The following B3GALT1 variants were observed in gnomAD, a reference collection of about 807,000 sequenced individuals.
The protein encoded by B3GALT1 is UDP-Gal:betaGlcNAc beta 1,3-galactosyltransferase, polypeptide 1.
In B3GALT1, 10 loss-of-function variants were observed where a neutral mutation model predicts 23.2. That is an observed-to-expected ratio of 0.43 (90% CI 0.27 to 0.73). The LOEUF is 0.73. Among genes scored for constraint, B3GALT1 ranks in the 30% least tolerant of loss-of-function variants. B3GALT1 has a pLI of 0.21. For synonymous variants in B3GALT1, 156 were observed against 141.5 expected (o/e 1.10, Z -0.73); for missense variants, 299 against 405.4 (o/e 0.74, Z 2.25).
chr2:167,511,734 T>C (rs1393661893), intron 2 of B3GALT1, among the ~76,000 whole-genome samples: 4 of 152,210 alleles, frequency 2.6e-5, no homozygotes. Context: ...TTTCCTACTT[T>C]TCTGTATTTT....
At chr2:167,463,702 C>T (rs1179798782) in intron 1 of B3GALT1, among the ~76,000 whole-genome samples, 1 of 152,038 alleles carries the variant, frequency 6.6e-6, no homozygotes, top group East Asian at 1.9e-4. Flanking sequence ...TTTAGAATTT[C>T]CAAAGTACTC....
intron 1 of B3GALT1, among the ~76,000 whole-genome samples, chr2:167,360,960 G>A (rs1305879255): frequency 1.3e-5 from 2 of 152,020 alleles, no homozygotes; most frequent in African/African-American, 4.8e-5. Flanking sequence ...TGTGGACATT[G>A]TCTTTCTGTA....
At chr2:167,512,622 G>GTATATATATATA (rs1491336747) in intron 2 of B3GALT1, among the ~76,000 whole-genome samples, 1 of 42,376 alleles carries the variant, frequency 2.4e-5, no homozygotes, top group African/African-American at 2.1e-4. Context: ...ATATATATAC[G>GTATATATATATA]TGTATATATA....
intron 4 of B3GALT1, among the ~76,000 whole-genome samples, chr2:167,836,780 G>C (rs1324154616): frequency 6.6e-6 from 1 of 152,156 alleles, no homozygotes; most frequent in Non-Finnish European, 1.5e-5. Flanking sequence ...CAGAGAGAAA[G>C]GGCGGGTTAC....
At chr2:167,640,726 A>C (rs970028059) in intron 2 of B3GALT1, among the ~76,000 whole-genome samples, 15 of 152,108 alleles carry the variant, frequency 9.9e-5, no homozygotes, top group African/African-American at 3.6e-4. Flanking sequence ...TTCGCAGGAA[A>C]ATTCTTGACT....
chr2:167,536,174 T>TGGGATTATA (rs1683421709), intron 2 of B3GALT1, among the ~76,000 whole-genome samples: 1 of 152,126 alleles, frequency 6.6e-6, no homozygotes, highest in South Asian at 2.1e-4. Context: ...CCCAAAGTGC[T>TGGGATTATA]GGGATTATAG....
intron 1 of B3GALT1, among the ~76,000 whole-genome samples, chr2:167,452,889 T>C (rs528894732): frequency 3.9e-5 from 6 of 152,198 alleles, no homozygotes; most frequent in Non-Finnish European, 8.8e-5. Context: ...CTGTAGAGTG[T>C]CATTGCTTAA....
intron 3 of B3GALT1, among the ~76,000 whole-genome samples, chr2:167,789,429 T>C (rs1043626327): frequency 1.5e-4 from 23 of 152,206 alleles, no homozygotes; most frequent in African/African-American, 4.8e-4. Flanking sequence ...ACGAGCATGA[T>C]ATCTGCTTTA....
intron 3 of B3GALT1, among the ~76,000 whole-genome samples, chr2:167,736,934 C>T (rs1032501825): frequency 9.9e-5 from 15 of 151,426 alleles, no homozygotes; most frequent in African/African-American, 3.6e-4. Context: ...TCTGTCCCCC[C>T]CTTCCCCCCC....
Position 167,538,475 on chromosome 2 carries a change from G to A in B3GALT1, c.-410+48198G>A, listed in dbSNP as rs1317780824. On this transcript the variant is annotated intron_variant, in intron 2 of 4. Transcript: ENST00000392690. ...GATATAAAACCTGAAATATTGGTGA[G>A]GACACATTAAGGGTGTGATTTCAAT... Among the ~76,000 whole-genome samples, 5 of 152,114 alleles carry A rather than the reference G, an allele frequency of 3.3e-5. No individual in the cohort carries two copies. In the East Asian group the frequency reaches 9.6e-4, roughly 29 times the overall value.
chr2:167,808,035 T>G (rs1157693898), intron 3 of B3GALT1, among the ~76,000 whole-genome samples: 4 of 152,306 alleles, frequency 2.6e-5, no homozygotes, highest in East Asian at 1.9e-4. Flanking sequence ...CTTGTTGAAT[T>G]GATCCTTTTA....
chr2:167,816,723 C>T (rs920567210), intron 3 of B3GALT1, among the ~76,000 whole-genome samples: 2 of 152,180 alleles, frequency 1.3e-5, no homozygotes, highest in African/African-American at 4.8e-5. Flanking sequence ...TAAAATCTTT[C>T]AGGTGCTATT....
intron 3 of B3GALT1, chr2:167,814,872 A>G (rs2105357024): frequency 6.6e-6 from 1 of 152,372 alleles, no homozygotes; most frequent in Admixed American, 6.5e-5. Flanking sequence ...TTTCTAGGCA[A>G]GGGAAGTGGG....
At chr2:167,561,678 C>G (rs1683994083) in intron 2 of B3GALT1, among the ~76,000 whole-genome samples, 1 of 152,170 alleles carries the variant, frequency 6.6e-6, no homozygotes, top group South Asian at 2.1e-4. Context: ...CTACAAACAC[C>G]TCTACGCAAA....
intron 1 of B3GALT1, among the ~76,000 whole-genome samples, chr2:167,328,314 A>T (rs981222676): frequency 7.9e-5 from 12 of 152,140 alleles, no homozygotes; most frequent in African/African-American, 2.9e-4. Flanking sequence ...TCATCTTTAT[A>T]CGTTTGGTAG....
At chr2:167,801,578 A>G (rs916316560) in intron 3 of B3GALT1, among the ~76,000 whole-genome samples, 2 of 152,198 alleles carry the variant, frequency 1.3e-5, no homozygotes, top group Admixed American at 1.3e-4. Context: ...TGACTATGCA[A>G]TCTAGGTAAG....
intron 3 of B3GALT1, among the ~76,000 whole-genome samples, chr2:167,809,851 C>A (rs1477953771): frequency 1.3e-5 from 2 of 152,012 alleles, no homozygotes; most frequent in Non-Finnish European, 2.9e-5. Context: ...GATTCTGCTG[C>A]CTTTTGTTTG....
At chr2:167,597,401 C>T (rs1345216757) in intron 2 of B3GALT1, among the ~76,000 whole-genome samples, 2 of 152,186 alleles carry the variant, frequency 1.3e-5, no homozygotes, top group East Asian at 1.9e-4. Flanking sequence ...AGGCATGAGC[C>T]ACCATGCCCA....
chr2:167,364,338 A>T (rs1193426853), intron 1 of B3GALT1, among the ~76,000 whole-genome samples: 2 of 149,598 alleles, frequency 1.3e-5, no homozygotes, highest in East Asian at 2.0e-4. Flanking sequence ...ATATATATAT[A>T]GTTTTTTTTT....
Sources: allele counts gnomAD v4.1 joint callset (sites outside exome capture counted in the v4.1 genomes callset), GRCh38; gene constraint gnomAD v4.1.1; transcripts MANE v1.5; gene names NCBI Gene and HGNC (gene_info 2026-07-23, HGNC 2026-07-21).